Variants in TFCP2 observed in about 807,000 individuals in gnomAD.
TFCP2 encodes transcription factor CP2.
In TFCP2, 33 loss-of-function variants were observed where a neutral mutation model predicts 73.4. That is an observed-to-expected ratio of 0.45 (90% CI 0.34 to 0.60). The LOEUF is 0.60. TFCP2 is among the 20% of genes least tolerant of loss of function. TFCP2 has a pLI of 0.01. For missense variants in TFCP2, 352 were observed against 604.0 expected (o/e 0.58, Z 4.37); for synonymous variants, 193 against 211.6 (o/e 0.91, Z 0.76).
At chr12:51,124,804 C>A in intron 1 of TFCP2, 1 of 962,088 alleles carries the variant, frequency 1.0e-6, no homozygotes, top group Non-Finnish European at 1.7e-6. Flanking sequence ...TTCTGCTGCT[C>A]AGCCTTTTCC....
At chr12:51,101,463 G>A (rs949054234) in intron 11 of TFCP2, among the ~76,000 whole-genome samples, 3 of 152,088 alleles carry the variant, frequency 2.0e-5, no homozygotes, top group African/African-American at 7.2e-5. Flanking sequence ...CTCAGCTTAA[G>A]TATCCCCTCC....
At chr12:51,121,026 A>G (rs1261032492) in intron 1 of TFCP2, among the ~76,000 whole-genome samples, 1 of 149,870 alleles carries the variant, frequency 6.7e-6, no homozygotes, top group African/African-American at 2.4e-5. Context: ...AATTTTCCAC[A>G]GTAAAGTTTT....
chr12:51,153,714 T>C (rs2730651), intron 1 of TFCP2, among the ~76,000 whole-genome samples: 138,714 of 152,268 alleles, frequency 0.91, 63,550 homozygotes, highest in Non-Finnish European at 0.97. Context: ...CCATATTATA[T>C]TACACATCAG....
At chr12:51,103,988 T>A in intron 9 of TFCP2, 167 bp downstream of exon 9, 1 of 769,916 alleles carries the variant, frequency 1.3e-6, no homozygotes, top group Non-Finnish European at 2.2e-6. Flanking sequence ...TTGTTTCATA[T>A]CTTTAGTCCC....
rs1189041341 is a variant in TFCP2 at position 51,118,635 on chromosome 12, G to T, written c.260C>A (p.Thr87Lys). ...AAGCATCTAACCTTGATTGAGATAC[G>T]TTAGGGTTTCATCATGGAGTTTCAC... is the stretch of plus-strand genomic sequence containing the variant. ...PAVKLHDETLTYLNQGQSYEI... is the reference protein window; with the variant it reads ...PAVKLHDETLKYLNQGQSYEI... Residue 87 changes from threonine to lysine, a missense_variant, in exon 2 of 15, where the codon ACG (threonine) becomes AAG (lysine). Transcript: ENST00000257915. The T allele has an allele frequency of 1.2e-6, 2 of 1,614,110 alleles. No homozygotes were observed. Among genetic ancestry groups the T allele is most frequent in the Admixed American group, 1.7e-5 (1 of 59,998 alleles).
At chr12:51,154,518 A>C (rs1392093838) in intron 1 of TFCP2, among the ~76,000 whole-genome samples, 1 of 152,072 alleles carries the variant, frequency 6.6e-6, no homozygotes, top group Non-Finnish European at 1.5e-5. Flanking sequence ...ATATGATAAA[A>C]TCTCATCTCT....
chr12:51,104,053 A>C (rs1940174078), intron 9 of TFCP2, 102 bp downstream of exon 9: 2 of 1,137,446 alleles, frequency 1.8e-6, no homozygotes, highest in Non-Finnish European at 2.7e-6. Context: ...TTAATGAATG[A>C]ATGAATAATA....
At chr12:51,098,071 A>G (rs1251206169) in intron 13 of TFCP2, among the ~76,000 whole-genome samples, 1 of 152,068 alleles carries the variant, frequency 6.6e-6, no homozygotes, top group Non-Finnish European at 1.5e-5. Context: ...TGAAAATAAG[A>G]GTTCAAGGAA....
In TFCP2 at chr12:51,096,007, TA is replaced by T; in HGVS notation, c.1452del (p.Phe484LeufsTer6). 1.2e-6 allele frequency: 2 copies of T among 1,613,350 alleles called. No homozygotes were observed. Among genetic ancestry groups the T allele is most frequent in the Non-Finnish European group, 1.7e-6 (2 of 1,179,766 alleles). On this transcript the variant is annotated frameshift_variant, in exon 14 of 15. Transcript: ENST00000257915. LOFTEE classifies it high-confidence loss of function. ...CTATTACCTTTCATTGTGTCCAGAA[TA>T]AAACATGCTTCTTCCTGAAAGTTCT... ...MIQNFQEEAC[F>X]ILDTMKAETN...
intron 1 of TFCP2, among the ~76,000 whole-genome samples, chr12:51,137,588 T>C (rs181563721): frequency 6.5e-4 from 99 of 152,294 alleles, no homozygotes; most frequent in Non-Finnish European, 3.1e-4. Flanking sequence ...ACACTGCTAA[T>C]TGAAAACATC....
At chr12:51,110,229 A>G (rs1940364099) in intron 5 of TFCP2, among the ~76,000 whole-genome samples, 1 of 152,226 alleles carries the variant, frequency 6.6e-6, no homozygotes, top group Admixed American at 6.5e-5. Flanking sequence ...ATCAAATTTT[A>G]AGTATAAATA....
intron 1 of TFCP2, among the ~76,000 whole-genome samples, chr12:51,155,849 C>G (rs1223936949): frequency 6.6e-6 from 1 of 152,170 alleles, no homozygotes; most frequent in Non-Finnish European, 1.5e-5. Flanking sequence ...TGAGACCAGC[C>G]TGGCCAACAT....
intron 8 of TFCP2, among the ~76,000 whole-genome samples, chr12:51,106,314 G>A (rs1390479659): frequency 6.6e-6 from 1 of 152,054 alleles, no homozygotes; most frequent in Non-Finnish European, 1.5e-5. Flanking sequence ...CGAGGAGGAG[G>A]GAGAGGGGAG....
intron 1 of TFCP2, among the ~76,000 whole-genome samples, chr12:51,140,850 G>A (rs1330274333): frequency 6.6e-6 from 1 of 151,980 alleles, no homozygotes; most frequent in Non-Finnish European, 1.5e-5. Context: ...GAGGTCAAGA[G>A]TTTGAGACCA....
intron 1 of TFCP2, among the ~76,000 whole-genome samples, chr12:51,170,080 T>C (rs1438666660): frequency 2.0e-5 from 3 of 152,188 alleles, no homozygotes; most frequent in Admixed American, 2.0e-4. Context: ...TTTACACAAG[T>C]AACAGCATAA....
At chr12:51,148,741 T>TAGGCCAGG (rs1425669442) in intron 1 of TFCP2, among the ~76,000 whole-genome samples, 1 of 144,500 alleles carries the variant, frequency 6.9e-6, no homozygotes, top group Non-Finnish European at 1.5e-5. Context: ...ATGTGGTATA[T>TAGGCCAGG]AGGCCAGGTG....
At chr12:51,139,837 G>C (rs1358107061) in intron 1 of TFCP2, among the ~76,000 whole-genome samples, 1 of 152,136 alleles carries the variant, frequency 6.6e-6, no homozygotes, top group East Asian at 1.9e-4. Flanking sequence ...CTGTGAGGTA[G>C]GAGGAATTGT....
chr12:51,150,652 G>C (rs527335241), intron 1 of TFCP2, among the ~76,000 whole-genome samples: 1 of 152,086 alleles, frequency 6.6e-6, no homozygotes, highest in South Asian at 2.1e-4. Context: ...AATTGAAGTG[G>C]GGAGAAATGA....
intron 1 of TFCP2, among the ~76,000 whole-genome samples, chr12:51,142,660 C>G (rs1350785626): frequency 6.6e-6 from 1 of 152,124 alleles, no homozygotes; most frequent in South Asian, 2.1e-4. Flanking sequence ...TGGATCATTC[C>G]CATTAGCATA....
Sources: gnomAD v4.1 joint callset for allele counts (sites outside exome capture counted in the v4.1 genomes callset) on GRCh38, gnomAD v4.1.1 for gene constraint, MANE v1.5 for transcripts, NCBI Gene and HGNC (gene_info 2026-07-23, HGNC 2026-07-21) for gene names.